VWF: variants seen among roughly 807,000 people sequenced by gnomAD.
VWF encodes Factor VIII related antigen.
VWF carries 176 observed loss-of-function variants against 308.6 expected under a neutral mutation model. The ratio of observed to expected loss-of-function variants is 0.57; its 90% confidence interval spans 0.50 to 0.65. VWF has a LOEUF of 0.65. VWF is among the 30% of genes least tolerant of loss of function. VWF has a pLI of 0.00. For synonymous variants in VWF, 1,385 were observed against 1,443.4 expected, an observed-to-expected ratio of 0.96 and a Z score of 0.92; for missense variants, 3,146 against 3,648.2, an observed-to-expected ratio of 0.86 and a Z score of 3.55.
At chr12:6,097,252 T>C (rs1945114647) in intron 5 of VWF, among the ~76,000 whole-genome samples, 1 of 152,034 alleles carries the variant, frequency 6.6e-6, no homozygotes, top group African/African-American at 2.4e-5. Context: ...CTGGCCAAGA[T>C]GGTGAAACCC....
At position 6,072,438 on chromosome 12, in the gene VWF, T is replaced by A. The variant is rs368187449; in HGVS notation, c.1002A>T (p.Gly334=). 1.2e-6 allele frequency: 2 copies of A among 1,613,774 alleles called. No individual in the cohort carries two copies. The highest frequency in any genetic ancestry group is 1.3e-5 in the African/African-American group (1 of 74,902). Residue 334 remains glycine (G), a synonymous_variant, in exon 9 of 52, where the codon GGA becomes GGT. Coordinates refer to ENST00000261405, the MANE Select transcript of VWF (RefSeq NM_000552.5). ...RCVDGCSCPE[G]QLLDEGLCVE... The stretch of plus-strand genomic sequence containing the variant: ...CGCAGAGGCCTTCATCCAGGAGCTG[T>A]CCCTCTGGGGTCAAGGGCATCAAGA...
chr12:6,016,542 T>C lies in VWF; in HGVS notation c.5285A>G (p.Gln1762Arg), dbSNP rs199729586. 7.6e-5 allele frequency: 122 copies of C among 1,614,042 alleles called. 5 individuals are homozygous for C. The South Asian group carries it at 1.1e-3, about 15-fold the overall frequency. The change falls in exon 30 of 52, where the codon CAG becomes CGG. Residue 1762 changes from glutamine to arginine, a missense_variant. By Grantham distance (43) the Gln-to-Arg change is conservative. Coordinates refer to ENST00000261405, the MANE Select transcript of VWF (RefSeq NM_000552.5). ...GATTTGGCTGGGGCCTCCCTCCCGCTGCATGACGTCCACAAGGCTCAGCAA... is the reference window on the plus strand; with the variant it reads ...GATTTGGCTGGGGCCTCCCTCCCGCCGCATGACGTCCACAAGGCTCAGCAA... ...AHLLSLVDVM[Q>R]REGGPSQIGD... is the part of the protein sequence containing the mutation.
At chr12:5,971,512 C>T (rs1016138055) in intron 44 of VWF, 87 bp downstream of exon 44, 6 of 1,081,660 alleles carry the variant, frequency 5.5e-6, no homozygotes, top group African/African-American at 4.7e-5. Flanking sequence ...AAGCAAAGGG[C>T]AGGGAATGAG....
At chr12:6,041,228 G>A (rs914683128) in intron 18 of VWF, among the ~76,000 whole-genome samples, 1 of 151,844 alleles carries the variant, frequency 6.6e-6, no homozygotes, top group Non-Finnish European at 1.5e-5. Flanking sequence ...TCAGGAGTTC[G>A]AGACCAGCCT....
chr12:6,013,630 G>A lies in VWF; in HGVS notation c.5471C>T (p.Pro1824Leu), dbSNP rs61750610. 1 of 1,613,244 alleles carries A rather than the reference G, an allele frequency of 6.2e-7. No homozygotes were observed. The highest frequency in any genetic ancestry group is 1.3e-5 in the African/African-American group (1 of 75,014). ...ATCGTAGCGATCTCCAATTCCAATA[G>A]GGAACACTGTCACTCCTAGAGTTAG... is the stretch of plus-strand genomic sequence containing the variant. ...AARSNRVTVF[P>L]IGIGDRYDAA... Residue 1824 changes from proline (P) to leucine (L), a missense_variant, in exon 32 of 52, where the codon CCT becomes CTT. This residue lies in a region of VWF where 853 missense variants were observed against 1,177.8 expected (regional missense o/e 0.72). Coordinates refer to ENST00000261405, the MANE Select transcript of VWF (RefSeq NM_000552.5).
At chr12:5,968,300 A>C (rs961004153) in intron 45 of VWF, 133 bp from the exon 46 acceptor site, 3 of 1,068,042 alleles carry the variant, frequency 2.8e-6, no homozygotes, top group African/African-American at 1.6e-5. Flanking sequence ...CTTTCCCCCC[A>C]CCCCACAACC....
At chr12:6,055,432 T>A (rs1350325169) in intron 15 of VWF, among the ~76,000 whole-genome samples, 1 of 152,110 alleles carries the variant, frequency 6.6e-6, no homozygotes, top group Non-Finnish European at 1.5e-5. Flanking sequence ...AACTGGTACC[T>A]CACGGGAAAG....
chr12:5,971,627 C>A lies in VWF; in HGVS notation c.7520G>T (p.Arg2507Leu), dbSNP rs762748393. 3 of 1,614,040 alleles carry A rather than the reference C, an allele frequency of 1.9e-6. No individual in the cohort carries two copies. The highest frequency in any genetic ancestry group is 2.5e-6 in the Non-Finnish European group (3 of 1,180,016). The stretch of plus-strand genomic sequence containing the variant: ...CTTCCAGGAAGACTGGGAGTCCCCC[C>A]GCGGTGAGCCAGTCACCACCTCACA... The part of the protein sequence containing the change: ...SACEVVTGSP[R>L]GDSQSSWKSV... Residue 2507 changes from arginine to leucine, a missense_variant, in exon 44 of 52, where the codon CGG becomes CTG. By Grantham distance (102) the Arg-to-Leu change is moderately radical. This residue lies in a region of VWF where 989 missense variants were observed against 1,117.4 expected (regional missense o/e 0.89). Transcript: ENST00000261405.
Position 5,962,538 on chromosome 12 carries a change from CT to C in VWF, c.7887+4947del, listed in dbSNP as rs35124526. On this transcript the variant is annotated intron_variant, in intron 47 of 51. Coordinates refer to ENST00000261405, the MANE Select transcript of VWF (RefSeq NM_000552.5). The stretch of plus-strand genomic sequence containing the variant: ...TTGGTCCATACATACACAGGCAATT[CT>C]TTTTTTTTTTTTTTTTTTTTTTGAG... Among the ~76,000 whole-genome samples, 227 of 101,594 alleles carry C rather than the reference CT, an allele frequency of 2.2e-3. 1 individual carries two copies. The highest frequency in any genetic ancestry group is 0.013 in the East Asian group (46 of 3,514). 66.6% of individuals were successfully genotyped at this position (101,594 alleles called of 152,430 possible).
chr12:6,025,816 C>T (rs1591867729), intron 23 of VWF, 90 bp downstream of exon 23: 1 of 1,607,306 alleles, frequency 6.2e-7, no homozygotes, highest in East Asian at 2.2e-5. Flanking sequence ...CCACCCACAA[C>T]CCCCCTTCCA....
intron 18 of VWF, among the ~76,000 whole-genome samples, chr12:6,043,299 G>T (rs576756420): frequency 6.6e-6 from 1 of 152,278 alleles, no homozygotes; most frequent in African/African-American, 2.4e-5. Context: ...AGAGACACTG[G>T]TAATTGAGTC....
In VWF at chr12:5,994,453, C is replaced by T. The variant is rs1416487399; in HGVS notation, c.6218G>A (p.Ser2073Asn). 1 of 1,614,162 alleles carries T rather than the reference C, an allele frequency of 6.2e-7. No homozygotes were observed. Among genetic ancestry groups the T allele is most frequent in the South Asian group, 1.1e-5 (1 of 91,082 alleles). ...PQNNEFQLQL[S>N]PKTFASKTYG... ...CGTCTTTGAAGCAAAAGTCTTGGGG[C>T]TGAGCTGCAGTTGGAACTCATTGTT... The change falls in exon 36 of 52, where the codon AGC becomes AAC. Residue 2073 changes from serine (S) to asparagine (N), a missense_variant. Transcript: ENST00000261405.
At chr12:6,100,098 TTCTCA>T (rs1667680178) in intron 5 of VWF, among the ~76,000 whole-genome samples, 1 of 152,006 alleles carries the variant, frequency 6.6e-6, no homozygotes, top group African/African-American at 2.4e-5. Context: ...GAGCAGACAC[TTCTCA>T]AAAGAAGACA....
intron 39 of VWF, 86 bp downstream of exon 39, chr12:5,985,477 C>G (rs2136375953): frequency 1.4e-6 from 2 of 1,412,542 alleles, no homozygotes; most frequent in Non-Finnish European, 2.0e-6. Flanking sequence ...TGAGTCTGCT[C>G]TGCCAGAGGT....
intron 32 of VWF, among the ~76,000 whole-genome samples, chr12:6,013,151 G>A (rs1318329866): frequency 2.0e-5 from 3 of 152,182 alleles, no homozygotes; most frequent in South Asian, 2.1e-4. Context: ...CCTACGGAAC[G>A]CTGGGGTTCC....
chr12:6,123,036 G>T lies in VWF; in HGVS notation c.55+106C>A, dbSNP rs140099224. The T allele has an allele frequency of 4.3e-5, 61 of 1,433,764 alleles. No individual in the cohort carries two copies. In the East Asian group the frequency reaches 1.3e-3, roughly 31 times the overall value. The allele number at this position is 1,433,764 out of a possible 1,614,324, so 88.8% of individuals were successfully genotyped here. A position where few individuals can be genotyped will look rare whatever the true frequency, so the allele number is the denominator to read the frequency against. On this transcript the variant is annotated intron_variant, in intron 2 of 51. Coordinates refer to ENST00000261405, the MANE Select transcript of VWF (RefSeq NM_000552.5). Reference sequence around the variant, plus strand: ...GAGGCAACCAACAGCCTAAGTTAGGGCTGGGCACACAGGTGAGCTCCAGAC... The same window carrying T: ...GAGGCAACCAACAGCCTAAGTTAGGTCTGGGCACACAGGTGAGCTCCAGAC...
rs750623442 is a variant in VWF at position 6,063,077 on chromosome 12, T to C, written c.1433-23A>G. 3.1e-6 allele frequency: 5 copies of C among 1,605,326 alleles called. No individual in the cohort carries two copies. The highest frequency in any genetic ancestry group is 4.3e-6 in the Non-Finnish European group (5 of 1,174,090). On this transcript the variant is annotated intron_variant, in intron 12 of 51. Transcript: ENST00000261405. The surrounding 1 kb of genome is among the most constrained non-coding windows in gnomAD (Gnocchi z 4.9). ...CACCTGGAACCCAGCAGGACAGGAC[T>C]CAGGCAGAGGTGGGGAGAGGACAGG...
chr12:5,997,793 T>C (rs1943822532), intron 34 of VWF, among the ~76,000 whole-genome samples: 1 of 152,196 alleles, frequency 6.6e-6, no homozygotes, highest in African/African-American at 2.4e-5. Flanking sequence ...CAACAAACCA[T>C]CACATTATAC....
chr12:5,963,733 G>A (rs1380313573), intron 47 of VWF, among the ~76,000 whole-genome samples: 1 of 152,204 alleles, frequency 6.6e-6, no homozygotes, highest in Non-Finnish European at 1.5e-5. Flanking sequence ...TGGAGGGCAA[G>A]TGGTGCAATC....
Sources: gnomAD v4.1 joint callset for allele counts (sites outside exome capture counted in the v4.1 genomes callset) on GRCh38, gnomAD v4.1.1 for gene constraint, gnomAD v4.1.1 regional missense constraint, Gnocchi (gnomAD v3.1) non-coding constraint, MANE v1.5 for transcripts, NCBI Gene and HGNC (gene_info 2026-07-23, HGNC 2026-07-21) for gene names.